PCLO: variants seen among roughly 807,000 people sequenced by gnomAD.
PCLO encodes the protein protein piccolo.
PCLO carries 82 observed loss-of-function variants against 427.5 expected under a neutral mutation model. The observed-to-expected ratio is 0.19, with a 90% confidence interval of 0.16 to 0.23. The LOEUF is 0.23. PCLO is among the 10% of genes least tolerant of loss of function. The probability of loss-of-function intolerance (pLI) is 1.00; values close to 1 mark genes in which losing one functional copy is unlikely to be tolerated. For synonymous variants in PCLO, 2,357 were observed against 2,155.4 expected, an observed-to-expected ratio of 1.09 and a Z score of -2.59; for missense variants, 6,239 against 6,115.9, an observed-to-expected ratio of 1.02 and a Z score of -0.67.
intron 17 of PCLO, 65 bp from the exon 18 acceptor site, chr7:82,826,725 T>C (rs1791954920): frequency 1.2e-5 from 11 of 955,506 alleles, no homozygotes; most frequent in African/African-American, 1.6e-5. Context: ...ATTACACACA[T>C]ACAGTAGACA....
intron 6 of PCLO, among the ~76,000 whole-genome samples, chr7:82,929,954 G>A: frequency 6.6e-6 from 1 of 152,134 alleles, no homozygotes; most frequent in East Asian, 1.9e-4. Context: ...AAAGATGAAT[G>A]ACTCTGGTAT....
intron 3 of PCLO, among the ~76,000 whole-genome samples, chr7:83,090,209 G>A (rs1299704780): frequency 6.6e-6 from 1 of 152,146 alleles, no homozygotes; most frequent in Non-Finnish European, 1.5e-5. Context: ...AGCTGAGGCA[G>A]GAGAATCACT....
intron 3 of PCLO, among the ~76,000 whole-genome samples, chr7:83,056,886 ACTT>A (rs1789392783): frequency 6.6e-6 from 1 of 152,000 alleles, no homozygotes; most frequent in South Asian, 2.1e-4. Flanking sequence ...AAATAATAAA[ACTT>A]CTCTTTTGAC....
intron 6 of PCLO, among the ~76,000 whole-genome samples, chr7:82,918,942 A>T (rs754982681): frequency 6.6e-6 from 1 of 152,062 alleles, no homozygotes; most frequent in Non-Finnish European, 1.5e-5. Context: ...CAAAGAACTT[A>T]ATAATGGTTG....
chr7:83,031,759 A>T (rs1788673697), intron 3 of PCLO, among the ~76,000 whole-genome samples: 1 of 146,322 alleles, frequency 6.8e-6, no homozygotes, highest in African/African-American at 2.5e-5. Context: ...TCTCTCTCTC[A>T]CACACACACG....
intron 9 of PCLO, among the ~76,000 whole-genome samples, chr7:82,887,232 CAA>C (rs1793649377): frequency 6.6e-6 from 1 of 152,134 alleles, no homozygotes; most frequent in African/African-American, 2.4e-5. Flanking sequence ...GTCCAGCATA[CAA>C]AAAAGCTGAG....
At chr7:82,779,789 G>T (rs1338913220) in intron 22 of PCLO, among the ~76,000 whole-genome samples, 1 of 147,054 alleles carries the variant, frequency 6.8e-6, no homozygotes, top group African/African-American at 2.5e-5. Context: ...TTGCCCAGGT[G>T]GAGTGCAATG....
chr7:82,888,631 C>T (rs1461066236), intron 9 of PCLO, among the ~76,000 whole-genome samples: 5 of 151,926 alleles, frequency 3.3e-5, no homozygotes, highest in Admixed American at 6.6e-5. Context: ...ACTTAATAAA[C>T]GAAGCTATAT....
intron 3 of PCLO, among the ~76,000 whole-genome samples, chr7:82,985,182 C>T (rs1347726197): frequency 6.6e-6 from 1 of 151,804 alleles, no homozygotes; most frequent in African/African-American, 2.4e-5. Flanking sequence ...GGTATAGTGC[C>T]AAAGCTCAAT....
chr7:83,151,069 G>A (rs1317271958), intron 2 of PCLO, among the ~76,000 whole-genome samples: 1 of 152,122 alleles, frequency 6.6e-6, no homozygotes, highest in Non-Finnish European at 1.5e-5. Flanking sequence ...TCTCTCTAGA[G>A]CTCTAACTTC....
At chr7:82,863,128 C>T (rs1173196818) in intron 10 of PCLO, among the ~76,000 whole-genome samples, 2 of 151,850 alleles carry the variant, frequency 1.3e-5, no homozygotes, top group African/African-American at 4.8e-5. Flanking sequence ...ATATATATAC[C>T]TACTATTTAT....
intron 13 of PCLO, among the ~76,000 whole-genome samples, chr7:82,843,515 A>C (rs1207078360): frequency 6.6e-6 from 1 of 152,158 alleles, no homozygotes; most frequent in Non-Finnish European, 1.5e-5. Context: ...TATATTCTTC[A>C]AAATTGTGAA....
At chr7:82,780,359 GGACTA>G (rs1464340175) in intron 22 of PCLO, among the ~76,000 whole-genome samples, 1 of 152,132 alleles carries the variant, frequency 6.6e-6, no homozygotes, top group Non-Finnish European at 1.5e-5. Context: ...TTTGTTCTGT[GGACTA>G]ATTGCTATGG....
At chr7:82,987,715 C>A (rs1457508860) in intron 3 of PCLO, among the ~76,000 whole-genome samples, 1 of 151,988 alleles carries the variant, frequency 6.6e-6, no homozygotes, top group African/African-American at 2.4e-5. Context: ...ATATGTTTTG[C>A]ATTAAGTAAA....
chr7:82,805,852 A>T, intron 20 of PCLO, 23 bp from the exon 21 acceptor site: 1 of 1,584,288 alleles, frequency 6.3e-7, no homozygotes, highest in Non-Finnish European at 8.6e-7. Flanking sequence ...GGAAGATTCA[A>T]CACCACAGTC....
chr7:83,082,942 C>T (rs1232726089), intron 3 of PCLO, among the ~76,000 whole-genome samples: 1 of 151,558 alleles, frequency 6.6e-6, no homozygotes, highest in African/African-American at 2.4e-5. Flanking sequence ...ACCAAAAGAA[C>T]AAAATATCTA....
chr7:83,039,660 C>G (rs1352518082), intron 3 of PCLO, among the ~76,000 whole-genome samples: 5 of 152,024 alleles, frequency 3.3e-5, no homozygotes, highest in Non-Finnish European at 1.5e-5. Flanking sequence ...CTTTGTCAAG[C>G]TCATTTTGGA....
At chr7:82,810,884 T>G (rs1035315895) in intron 20 of PCLO, among the ~76,000 whole-genome samples, 5 of 151,720 alleles carry the variant, frequency 3.3e-5, no homozygotes, top group African/African-American at 1.2e-4. Context: ...GATTAAATTG[T>G]AGACTTCACT....
At position 82,977,969 on chromosome 7, in the gene PCLO, G is replaced by C. The variant is rs531093320; in HGVS notation, c.3301-11482C>G. Among the ~76,000 whole-genome samples, 60 of 152,182 alleles carry C rather than the reference G, an allele frequency of 3.9e-4. No individual in the cohort carries two copies. The South Asian group carries it at 0.012, about 32-fold the overall frequency. ...TTGTTTCCCTGTGATTTTGGAGTCA[G>C]AGTTGCAGAGTATCATTTTTCATAT... On this transcript the variant is annotated intron_variant, in intron 3 of 24. Transcript: ENST00000333891.
Sources: gnomAD v4.1 joint callset for allele counts (sites outside exome capture counted in the v4.1 genomes callset) on GRCh38, gnomAD v4.1.1 for gene constraint, MANE v1.5 for transcripts, NCBI Gene and HGNC (gene_info 2026-07-23, HGNC 2026-07-21) for gene names.